ATG4B: variants seen among roughly 807,000 people sequenced by gnomAD.
ATG4B encodes cysteine protease ATG4B.
ATG4B carries 29 observed loss-of-function variants against 56.6 expected under a neutral mutation model. The ratio of observed to expected loss-of-function variants is 0.51; its 90% CI spans 0.38 to 0.70. The LOEUF (loss-of-function observed/expected upper bound fraction) is 0.70, where lower values mean the gene tolerates loss of function less well. Among genes scored for constraint, ATG4B ranks in the 30% least tolerant of loss-of-function variants. ATG4B has a pLI of 0.00. For synonymous variants in ATG4B, 224 were observed against 206.1 expected, an observed-to-expected ratio of 1.09 and a Z score of -0.74; for missense variants, 461 against 515.5, an observed-to-expected ratio of 0.89 and a Z score of 1.02.
rs951289111 is a variant in ATG4B at position 241,671,586 on chromosome 2, G to T, written c.1108+181G>T. Reference sequence around the variant, plus strand: ...GGAGCGTCCCCTCCTCCAAGCTTGCGCCCAGCAGCCCAGGACCCACCTCGT... The same window carrying T: ...GGAGCGTCCCCTCCTCCAAGCTTGCTCCCAGCAGCCCAGGACCCACCTCGT... On this transcript the variant is annotated intron_variant, in intron 12 of 12. Coordinates refer to ENST00000404914, the MANE Select transcript of ATG4B (RefSeq NM_013325.5). 1.3e-5 allele frequency: 20 copies of T among 1,518,340 alleles called. No homozygotes were observed. The African/African-American group carries it at 2.6e-4, about 20-fold the overall frequency. 94.1% of individuals were successfully genotyped at this position (1,518,340 alleles called of 1,614,324 possible).
chr2:241,659,276 G>T (rs1168020524), intron 7 of ATG4B, 89 bp downstream of exon 7: 1 of 1,213,774 alleles, frequency 8.2e-7, no homozygotes, highest in East Asian at 2.5e-5. Context: ...GGGAGCCTCG[G>T]CGAGTGTTGT....
intron 1 of ATG4B, among the ~76,000 whole-genome samples, chr2:241,645,864 G>T (rs879870976): frequency 2.0e-5 from 3 of 152,174 alleles, no homozygotes; most frequent in Non-Finnish European, 4.4e-5. Context: ...GGGGAGGGCC[G>T]GAGTGCGTTT....
At chr2:241,670,133 C>T (rs142187838) in intron 10 of ATG4B, among the ~76,000 whole-genome samples, 3 of 152,318 alleles carry the variant, frequency 2.0e-5, no homozygotes, top group Admixed American at 6.5e-5. Context: ...GCTTCTCCCC[C>T]CATTTCGTTT....
chr2:241,665,286 G>A (rs550417967), intron 7 of ATG4B, among the ~76,000 whole-genome samples: 44 of 152,250 alleles, frequency 2.9e-4, no homozygotes, highest in African/African-American at 8.7e-4. Flanking sequence ...AGCCTCCTAC[G>A]AATGAGAGTG....
chr2:241,673,846 G>T lies in ATG4B; in HGVS notation c.*1582G>T, dbSNP rs2069057081. 2.4e-6 allele frequency: 1 copy of T among 417,788 alleles called. No homozygotes were observed. The highest frequency in any genetic ancestry group is 2.0e-5 in the African/African-American group (1 of 48,822). 25.9% of individuals were successfully genotyped at this position (417,788 alleles called of 1,614,324 possible). A position where few individuals can be genotyped will look rare whatever the true frequency, so the allele number is the denominator to read the frequency against. On this transcript the variant is annotated 3_prime_UTR_variant, in exon 13 of 13. Transcript: ENST00000404914. ...TCTTAATGGCAAATAATAAGTTTCA[G>T]TAGAAAACAAACCTTGTGTCTATTT...
chr2:241,669,372 G>A (rs1213293661), intron 10 of ATG4B, among the ~76,000 whole-genome samples: 1 of 152,244 alleles, frequency 6.6e-6, no homozygotes, highest in Non-Finnish European at 1.5e-5. Context: ...GGAGGAAGAA[G>A]GCAGATCTGG....
At chr2:241,667,973 T>C in intron 8 of ATG4B, 170 bp from the exon 9 acceptor site, 1 of 599,042 alleles carries the variant, frequency 1.7e-6, no homozygotes, top group East Asian at 2.9e-5. Flanking sequence ...GCCTGTGGGA[T>C]GTCCTGTGGT....
At chr2:241,664,431 G>A (rs572066931) in intron 7 of ATG4B, among the ~76,000 whole-genome samples, 8 of 152,238 alleles carry the variant, frequency 5.3e-5, no homozygotes, top group Non-Finnish European at 1.0e-4. Context: ...CCACCTACTC[G>A]GGAGTCTGAG....
chr2:241,650,446 C>T (rs6437273), intron 1 of ATG4B, among the ~76,000 whole-genome samples: 72,905 of 151,718 alleles, frequency 0.48, 17,641 homozygotes, highest in East Asian at 0.58. Context: ...TTTCTTGCCC[C>T]GGAGCATCTG....
At chr2:241,657,192 G>A (rs1405992812) in intron 6 of ATG4B, among the ~76,000 whole-genome samples, 1 of 142,762 alleles carries the variant, frequency 7.0e-6, no homozygotes, top group East Asian at 2.2e-4. Context: ...GGCCAGGCTG[G>A]TCTTGAACTC....
At chr2:241,643,660 A>G (rs1333849222) in intron 1 of ATG4B, among the ~76,000 whole-genome samples, 5 of 78,158 alleles carry the variant, frequency 6.4e-5, no homozygotes, top group African/African-American at 2.4e-4. Flanking sequence ...AAATATATAT[A>G]TACGTGTGTG....
chr2:241,659,048 C>T, intron 6 of ATG4B, 60 bp from the exon 7 acceptor site: 1 of 1,377,628 alleles, frequency 7.3e-7, no homozygotes, highest in South Asian at 1.4e-5. Context: ...GCTATAGCTG[C>T]AAAGATGAAC....
At chr2:241,669,400 C>T (rs1478082111) in intron 10 of ATG4B, among the ~76,000 whole-genome samples, 1 of 152,226 alleles carries the variant, frequency 6.6e-6, no homozygotes. Flanking sequence ...ATGGGACGGT[C>T]TCTGAGCTGT....
At chr2:241,669,639 C>G (rs1463374961) in intron 10 of ATG4B, among the ~76,000 whole-genome samples, 2 of 152,220 alleles carry the variant, frequency 1.3e-5, no homozygotes, top group Non-Finnish European at 2.9e-5. Flanking sequence ...TCTGGATTAG[C>G]TGGGACTACA....
chr2:241,669,847 G>A (rs574617481), intron 10 of ATG4B, among the ~76,000 whole-genome samples: 3 of 152,266 alleles, frequency 2.0e-5, no homozygotes, highest in Admixed American at 6.5e-5. Context: ...CGAATTCCTC[G>A]TCGAACTAGA....
intron 3 of ATG4B, chr2:241,653,176 A>G (rs140992207): frequency 0.026 from 16,607 of 630,526 alleles, 1,025 homozygotes; most frequent in East Asian, 0.19. Context: ...CTTTCTGATA[A>G]TTGGAAAATG....
intron 6 of ATG4B, among the ~76,000 whole-genome samples, chr2:241,657,871 C>G (rs1004449143): frequency 9.9e-5 from 15 of 152,182 alleles, no homozygotes; most frequent in African/African-American, 3.6e-4. Flanking sequence ...CTGACTCAGG[C>G]GGGGCTCTAC....
At chr2:241,645,262 T>C (rs2068029365) in intron 1 of ATG4B, among the ~76,000 whole-genome samples, 1 of 152,198 alleles carries the variant, frequency 6.6e-6, no homozygotes, top group Non-Finnish European at 1.5e-5. Flanking sequence ...TTGGCTCTTT[T>C]GTAGGAATCG....
intron 8 of ATG4B, chr2:241,667,886 C>T (rs1455074962): frequency 4.2e-6 from 2 of 475,956 alleles, no homozygotes; most frequent in African/African-American, 2.0e-5. Flanking sequence ...TGCCAGGCCC[C>T]CTCACTCCCG....
Sources: gnomAD v4.1 joint callset for allele counts (sites outside exome capture counted in the v4.1 genomes callset) on GRCh38, gnomAD v4.1.1 for gene constraint, MANE v1.5 for transcripts, NCBI Gene and HGNC (gene_info 2026-07-23, HGNC 2026-07-21) for gene names.